Variants in ZFPM2 observed in about 807,000 individuals in gnomAD.
ZFPM2 encodes zinc finger protein ZFPM2.
Under a neutral mutation model 98.6 loss-of-function variants are expected in ZFPM2, and 20 were observed. The observed-to-expected ratio is 0.20, with a 90% CI of 0.14 to 0.29. The LOEUF (loss-of-function observed/expected upper bound fraction) is 0.29, where lower values mean the gene tolerates loss of function less well. Ranked by LOEUF, ZFPM2 falls within the 10% of genes least tolerant of loss-of-function variation. ZFPM2 has a pLI of 1.00. For missense variants in ZFPM2, 1,310 were observed against 1,388.6 expected (o/e 0.94, Z 0.90); for synonymous variants, 518 against 502.7 (o/e 1.03, Z -0.41).
In ZFPM2 at chr8:105,327,657, T is replaced by C. The variant is rs112897969; in HGVS notation, c.40+8676T>C. Among the ~76,000 whole-genome samples the C allele has an allele frequency of 3.7e-4, 56 of 151,866 alleles. 1 individual carries two copies. Among genetic ancestry groups the C allele is most frequent in the African/African-American group, 1.3e-3 (55 of 41,522 alleles). On this transcript the variant is annotated intron_variant, in intron 1 of 7. Transcript: ENST00000407775. Reference sequence around the variant, plus strand: ...TAAATAAAAAATACACTCAATTTTGTCCATTTTCCCTTTGCATGCTACATT... The same window carrying C: ...TAAATAAAAAATACACTCAATTTTGCCCATTTTCCCTTTGCATGCTACATT...
chr8:105,448,767 A>G (rs1293392618), intron 3 of ZFPM2, among the ~76,000 whole-genome samples: 1 of 152,074 alleles, frequency 6.6e-6, no homozygotes, highest in Non-Finnish European at 1.5e-5. Context: ...GAAATTTGAA[A>G]GAGATGATAT....
intron 5 of ZFPM2, among the ~76,000 whole-genome samples, chr8:105,638,371 G>T (rs772470099): frequency 6.6e-6 from 1 of 152,054 alleles, no homozygotes; most frequent in Non-Finnish European, 1.5e-5. Flanking sequence ...ACAAAAGAGT[G>T]GTTGCTTGTT....
At chr8:105,483,995 A>C (rs1190255489) in intron 3 of ZFPM2, among the ~76,000 whole-genome samples, 1 of 151,932 alleles carries the variant, frequency 6.6e-6, no homozygotes, top group Admixed American at 6.6e-5. Flanking sequence ...CAGCCTCCCA[A>C]GGTGCTGGGA....
intron 3 of ZFPM2, among the ~76,000 whole-genome samples, chr8:105,519,154 A>G (rs1813998991): frequency 6.6e-6 from 1 of 152,186 alleles, no homozygotes; most frequent in Admixed American, 6.5e-5. Flanking sequence ...AATACAATTC[A>G]GTAACATGTC....
intron 3 of ZFPM2, among the ~76,000 whole-genome samples, chr8:105,525,609 A>T (rs948207834): frequency 6.6e-6 from 1 of 152,208 alleles, no homozygotes; most frequent in Admixed American, 6.5e-5. Flanking sequence ...TCAAATATAG[A>T]GTACTAGGCA....
At chr8:105,400,267 AT>A (rs1362451702) in intron 1 of ZFPM2, among the ~76,000 whole-genome samples, 16 of 151,290 alleles carry the variant, frequency 1.1e-4, no homozygotes, top group East Asian at 5.8e-4. Context: ...TATTTATTTT[AT>A]TTTTTTTATT....
chr8:105,784,936 T>C (rs1300289476), intron 5 of ZFPM2: 1 of 145,994 alleles, frequency 6.8e-6, no homozygotes, highest in East Asian at 1.9e-4. Context: ...CAAACAATTA[T>C]AAAGAAGTCC....
chr8:105,443,735 G>A (rs1812312614), intron 2 of ZFPM2, among the ~76,000 whole-genome samples: 1 of 152,120 alleles, frequency 6.6e-6, no homozygotes, highest in Non-Finnish European at 1.5e-5. Context: ...GAGGAGTTGA[G>A]TCACTGGCTA....
chr8:105,547,141 A>G (rs550707954), intron 3 of ZFPM2, among the ~76,000 whole-genome samples: 1 of 152,146 alleles, frequency 6.6e-6, no homozygotes, highest in Non-Finnish European at 1.5e-5. Context: ...CTAGCTAAGA[A>G]TTGTGCATAA....
intron 4 of ZFPM2, among the ~76,000 whole-genome samples, chr8:105,572,383 A>G (rs1292834740): frequency 6.6e-6 from 1 of 152,114 alleles, no homozygotes; most frequent in East Asian, 1.9e-4. Flanking sequence ...TATTTATTAC[A>G]TACTTTGGAA....
chr8:105,614,018 A>G (rs1302757950), intron 4 of ZFPM2, among the ~76,000 whole-genome samples: 3 of 152,292 alleles, frequency 2.0e-5, no homozygotes, highest in African/African-American at 7.2e-5. Flanking sequence ...TTATGGTTAG[A>G]TTTTTGGAAT....
At chr8:105,750,477 TATC>T (rs763286667) in intron 5 of ZFPM2, among the ~76,000 whole-genome samples, 1 of 152,108 alleles carries the variant, frequency 6.6e-6, no homozygotes, top group Non-Finnish European at 1.5e-5. Flanking sequence ...TTAAAATTAA[TATC>T]ATTCAAGGAA....
chr8:105,733,091 C>T (rs572273829), intron 5 of ZFPM2, among the ~76,000 whole-genome samples: 6 of 151,788 alleles, frequency 4.0e-5, no homozygotes, highest in East Asian at 2.0e-4. Flanking sequence ...TATGTGAATC[C>T]GTTCAATATA....
intron 5 of ZFPM2, among the ~76,000 whole-genome samples, chr8:105,663,610 A>T (rs1175423115): frequency 2.6e-5 from 4 of 152,202 alleles, no homozygotes; most frequent in Admixed American, 2.6e-4. Context: ...CTGATGAAGC[A>T]TATTGCACTT....
chr8:105,752,511 G>T (rs1586239525), intron 5 of ZFPM2, among the ~76,000 whole-genome samples: 1 of 152,116 alleles, frequency 6.6e-6, no homozygotes, highest in Non-Finnish European at 1.5e-5. Flanking sequence ...GTTGTTTGTG[G>T]CAACAGCATG....
intron 1 of ZFPM2, among the ~76,000 whole-genome samples, chr8:105,326,218 T>C (rs1324061240): frequency 6.6e-6 from 1 of 151,690 alleles, no homozygotes; most frequent in Admixed American, 6.6e-5. Flanking sequence ...TAATAAAAGA[T>C]CGTAGGTTTC....
intron 3 of ZFPM2, among the ~76,000 whole-genome samples, chr8:105,469,920 G>A (rs1812864642): frequency 6.6e-6 from 1 of 152,102 alleles, no homozygotes; most frequent in Admixed American, 6.5e-5. Context: ...CAGAGTAAAT[G>A]CTCAAAAACT....
At chr8:105,466,288 G>A (rs1206315677) in intron 3 of ZFPM2, among the ~76,000 whole-genome samples, 1 of 151,812 alleles carries the variant, frequency 6.6e-6, no homozygotes, top group African/African-American at 2.4e-5. Context: ...ATATTTATGT[G>A]GTACTGGAAA....
At chr8:105,763,281 GA>G (rs1179396713) in intron 5 of ZFPM2, among the ~76,000 whole-genome samples, 2 of 151,730 alleles carry the variant, frequency 1.3e-5, no homozygotes, top group Non-Finnish European at 2.9e-5. Context: ...AATTGCAGCG[GA>G]CAATAGAGGT....
Sources: gnomAD v4.1 joint callset for allele counts (sites outside exome capture counted in the v4.1 genomes callset) on GRCh38, gnomAD v4.1.1 for gene constraint, MANE v1.5 for transcripts, NCBI Gene and HGNC (gene_info 2026-07-23, HGNC 2026-07-21) for gene names.